Variants in RTN4IP1 observed in about 807,000 individuals in gnomAD.
The protein encoded by RTN4IP1 is reticulon 4 interacting protein 1, also known as NAD(P)H oxidoreductase RTN4IP1, mitochondrial.
In RTN4IP1, 32 loss-of-function variants were observed where a neutral mutation model predicts 46.6. That is an observed-to-expected ratio of 0.69 (90% CI 0.52 to 0.92). RTN4IP1 has a LOEUF of 0.92. Ranked by LOEUF, RTN4IP1 falls within the 40% of genes least tolerant of loss-of-function variation. The pLI is 0.00. For missense variants in RTN4IP1, 424 were observed against 485.8 expected (o/e 0.87, Z 1.20); for synonymous variants, 167 against 161.8 (o/e 1.03, Z -0.24).
chr6:106,629,377 G>A lies in RTN4IP1; in HGVS notation c.-356C>T. ...TGCCCTGTCCTGGGAGCCCTCGGCG[G>A]GACAAGCAGACACCGCTCGCGATCC... On this transcript the variant is annotated 5_prime_UTR_variant, in exon 1 of 9. Transcript: ENST00000369063. The A allele has an allele frequency of 1.8e-6, 1 of 561,380 alleles. No individual in the cohort carries two copies. The highest frequency in any genetic ancestry group is 3.2e-6 in the Non-Finnish European group (1 of 316,632). 34.8% of individuals were successfully genotyped at this position (561,380 alleles called of 1,614,324 possible).
chr6:106,618,668 G>T (rs72945072), intron 4 of RTN4IP1, among the ~76,000 whole-genome samples: 5,930 of 152,242 alleles, frequency 0.039, 168 homozygotes, highest in Non-Finnish European at 0.059. Flanking sequence ...ATGAGTACAC[G>T]CTCAAGGCAT....
intron 6 of RTN4IP1, among the ~76,000 whole-genome samples, chr6:106,590,732 A>AAAAAAAAAAAC: frequency 6.6e-6 from 1 of 151,376 alleles, no homozygotes; most frequent in Non-Finnish European, 1.5e-5. Context: ...AAAAAAAAAA[A>AAAAAAAAAAAC]AAGATACAAG....
At chr6:106,621,595 AAC>A in intron 2 of RTN4IP1, 102 bp from the exon 3 acceptor site, 3 of 882,500 alleles carry the variant, frequency 3.4e-6, no homozygotes, top group Non-Finnish European at 5.6e-6. Context: ...TGCTGTGAAA[AAC>A]ACAGAAGTCA....
chr6:106,602,072 G>A (rs977731619), intron 5 of RTN4IP1, among the ~76,000 whole-genome samples: 1 of 152,124 alleles, frequency 6.6e-6, no homozygotes, highest in Non-Finnish European at 1.5e-5. Context: ...TGACCACAGA[G>A]GTATGGGTTT....
intron 2 of RTN4IP1, 57 bp downstream of exon 2, chr6:106,622,761 C>A: frequency 6.5e-7 from 1 of 1,548,324 alleles, no homozygotes; most frequent in Admixed American, 1.9e-5. Context: ...TCATCCGTCG[C>A]TGGATCAGGG....
At chr6:106,603,247 C>T (rs146089354) in intron 4 of RTN4IP1, among the ~76,000 whole-genome samples, 6 of 152,192 alleles carry the variant, frequency 3.9e-5, no homozygotes, top group African/African-American at 1.4e-4. Context: ...ATTGTTAGAG[C>T]TTCCTCTATG....
upstream of RTN4IP1, among the ~76,000 whole-genome samples, chr6:106,630,294 C>G (rs1224226236): frequency 6.6e-6 from 1 of 152,086 alleles, no homozygotes; most frequent in East Asian, 1.9e-4. Context: ...TCACTTTAAT[C>G]GGTGTTGAAG....
intron 7 of RTN4IP1, among the ~76,000 whole-genome samples, chr6:106,585,708 C>T (rs532403596): frequency 5.3e-5 from 8 of 152,120 alleles, no homozygotes; most frequent in Non-Finnish European, 7.3e-5. Context: ...GCTTTAACTA[C>T]GTGCACAATC....
In RTN4IP1 at chr6:106,571,942, C is replaced by A; in HGVS notation, c.*54G>T. The A allele has an allele frequency of 7.4e-7, 1 of 1,347,178 alleles. No homozygotes were observed. The highest frequency in any genetic ancestry group is 1.1e-6 in the Non-Finnish European group (1 of 949,260). 83.5% of individuals were successfully genotyped at this position (1,347,178 alleles called of 1,614,324 possible). ...AGGGATGGCTAGAAAAAAATTTGGG[C>A]TCACAGGCACTCACCAAATAAGAAC... On this transcript the variant is annotated 3_prime_UTR_variant, in exon 9 of 9. Transcript: ENST00000369063.
chr6:106,579,834 G>C lies in RTN4IP1; in HGVS notation c.1083+3494C>G, dbSNP rs138250336. On this transcript the variant is annotated intron_variant, in intron 8 of 8. Coordinates refer to ENST00000369063, the MANE Select transcript of RTN4IP1 (RefSeq NM_032730.5). ...GCCCTATGTTGCCCAGGCTGGTCTT[G>C]AACTCCTGGGCCCAAGCGATCCTCC... Among the ~76,000 whole-genome samples, 686 of 150,392 alleles carry C rather than the reference G, an allele frequency of 4.6e-3. 8 individuals are homozygous for C. Among genetic ancestry groups the C allele is most frequent in the African/African-American group, 0.016 (663 of 40,866 alleles).
At chr6:106,606,456 A>C (rs1180164877) in intron 4 of RTN4IP1, among the ~76,000 whole-genome samples, 1 of 152,098 alleles carries the variant, frequency 6.6e-6, no homozygotes. Flanking sequence ...AATATAAATA[A>C]AAATTTAAAA....
chr6:106,629,609 A>C, upstream of RTN4IP1: 4 of 1,541,786 alleles, frequency 2.6e-6, no homozygotes, highest in Non-Finnish European at 2.6e-6. Flanking sequence ...CGCCCATGTA[A>C]CATCACTAGC....
intron 8 of RTN4IP1, among the ~76,000 whole-genome samples, chr6:106,579,184 C>T (rs1320005037): frequency 2.0e-5 from 3 of 150,796 alleles, no homozygotes; most frequent in African/African-American, 2.4e-5. Flanking sequence ...TGCAGTGAGC[C>T]GAGATCGTGC....
chr6:106,610,172 C>T (rs1776189629), intron 4 of RTN4IP1, among the ~76,000 whole-genome samples: 1 of 152,136 alleles, frequency 6.6e-6, no homozygotes, highest in Non-Finnish European at 1.5e-5. Flanking sequence ...AGGGATTCTC[C>T]TGACTCAGCC....
intron 4 of RTN4IP1, among the ~76,000 whole-genome samples, chr6:106,611,441 A>G (rs1011164206): frequency 5.3e-5 from 8 of 152,236 alleles, no homozygotes; most frequent in African/African-American, 1.7e-4. Context: ...TTATGAACAA[A>G]GATGATTTAA....
chr6:106,628,858 T>G lies in RTN4IP1; in HGVS notation c.164A>C (p.Glu55Ala). The change falls in exon 1 of 9, where the codon GAA becomes GCA. Residue 55 changes from glutamate to alanine, a missense_variant. Glu to Ala is a moderately radical substitution (Grantham distance 107, BLOSUM62 -1). Coordinates refer to ENST00000369063, the MANE Select transcript of RTN4IP1 (RefSeq NM_032730.5). ...CATGTTCTGAGTGAATCGAAGCACT[T>G]CATTCTTCCCATATTTATCTATCAC... The part of the protein sequence containing the change: ...AWVIDKYGKN[E>A]VLRFTQNMMM... The G allele has an allele frequency of 6.2e-7, 1 of 1,614,146 alleles. No individual in the cohort carries two copies. The highest frequency in any genetic ancestry group is 1.1e-5 in the South Asian group (1 of 91,084).
At chr6:106,610,190 T>C (rs1200952912) in intron 4 of RTN4IP1, among the ~76,000 whole-genome samples, 1 of 151,900 alleles carries the variant, frequency 6.6e-6, no homozygotes, top group East Asian at 1.9e-4. Context: ...GCCTCCTGAG[T>C]AGCTGGGACT....
At position 106,622,962 on chromosome 6, in the gene RTN4IP1, A is replaced by G; in HGVS notation, c.282T>C (p.Tyr94=). 1.9e-6 allele frequency: 3 copies of G among 1,613,970 alleles called. No homozygotes were observed. The highest frequency in any genetic ancestry group is 2.5e-6 in the Non-Finnish European group (3 of 1,179,912). Residue 94 remains tyrosine (Y), a synonymous_variant, in exon 2 of 9, where the codon TAT becomes TAC. Coordinates refer to ENST00000369063, the MANE Select transcript of RTN4IP1 (RefSeq NM_032730.5). ...NPIDVNMRSG[Y]GATALNMKRD... ...GCTTCATATTTAAAGCTGTAGCTCC[A>G]TAACCACCTGTAAAATACAATTTAT...
In RTN4IP1 at chr6:106,624,621, C is replaced by G. The variant is rs975062247; in HGVS notation, c.275-1652G>C. 7.4e-5 allele frequency among the ~76,000 whole-genome samples: 11 copies of G among 149,160 alleles called. No individual in the cohort carries two copies. In the East Asian group the frequency reaches 1.3e-3, roughly 18 times the overall value. On this transcript the variant is annotated intron_variant, in intron 1 of 8. Transcript: ENST00000369063. Reference sequence around the variant, plus strand: ...AAAGTGCTGGGATTACAGGCGTGAGCCACCACACCTGGCCCATATCTTTTT... The same window carrying G: ...AAAGTGCTGGGATTACAGGCGTGAGGCACCACACCTGGCCCATATCTTTTT...
Sources: gnomAD v4.1 joint callset for allele counts (sites outside exome capture counted in the v4.1 genomes callset) on GRCh38, gnomAD v4.1.1 for gene constraint, MANE v1.5 for transcripts, NCBI Gene and HGNC (gene_info 2026-07-23, HGNC 2026-07-21) for gene names.